The following PAK1 variants were observed in gnomAD, a reference collection of about 807,000 sequenced individuals.
PAK1 encodes the protein p21 (RAC1) activated kinase 1.
Under a neutral mutation model 67.4 loss-of-function variants are expected in PAK1, and 29 were observed. The ratio of observed to expected loss-of-function variants is 0.43; its 90% CI spans 0.32 to 0.59. The LOEUF (loss-of-function observed/expected upper bound fraction) is 0.59, where lower values mean the gene tolerates loss of function less well. Among genes scored for constraint, PAK1 ranks in the 20% least tolerant of loss-of-function variants. PAK1 has a pLI of 0.07. For missense variants in PAK1, 337 were observed against 670.7 expected, an observed-to-expected ratio of 0.50 and a Z score of 5.50; for synonymous variants, 223 against 237.4, an observed-to-expected ratio of 0.94 and a Z score of 0.56.
intron 1 of PAK1, among the ~76,000 whole-genome samples, chr11:77,425,222 C>G (rs906357213): frequency 6.6e-6 from 1 of 151,692 alleles, no homozygotes; most frequent in African/African-American, 2.4e-5. Flanking sequence ...GCATACACAT[C>G]CCATTTTAAG....
the PAK1 span, among the ~76,000 whole-genome samples, chr11:77,523,871 G>A: frequency 0.033 from 4,988 of 152,256 alleles, 252 homozygotes; most frequent in African/African-American, 0.11. Flanking sequence ...TCAGTGTCAC[G>A]TTTGGACCAG....
the PAK1 span, among the ~76,000 whole-genome samples, chr11:77,490,810 T>C: frequency 6.6e-6 from 1 of 152,238 alleles, no homozygotes; most frequent in African/African-American, 2.4e-5. Flanking sequence ...CTTGGGATCC[T>C]GTTGATCTGT....
intron 14 of PAK1, among the ~76,000 whole-genome samples, chr11:77,331,875 A>G (rs771900794): frequency 5.9e-5 from 9 of 152,184 alleles, no homozygotes; most frequent in African/African-American, 2.2e-4. Context: ...TTCCTTTGCT[A>G]AAAATGTATC....
At chr11:77,364,416 G>A (rs573784725) in intron 5 of PAK1, among the ~76,000 whole-genome samples, 1 of 152,190 alleles carries the variant, frequency 6.6e-6, no homozygotes, top group South Asian at 2.1e-4. Context: ...AAGCCAGGCT[G>A]CAACAAAACA....
At chr11:77,376,308 A>G (rs567325148) in intron 4 of PAK1, among the ~76,000 whole-genome samples, 77 of 152,354 alleles carry the variant, frequency 5.1e-4, no homozygotes, top group Admixed American at 1.3e-3. Context: ...CATTTTACAG[A>G]TGAGCAAAAT....
intron 1 of PAK1, among the ~76,000 whole-genome samples, chr11:77,415,408 G>A (rs531728263): frequency 3.9e-5 from 6 of 152,266 alleles, no homozygotes; most frequent in African/African-American, 1.4e-4. Context: ...TCATTGTTAT[G>A]CGAACATCAC....
chr11:77,338,813 A>G (rs939324537), intron 11 of PAK1, among the ~76,000 whole-genome samples: 1 of 152,228 alleles, frequency 6.6e-6, no homozygotes, highest in Admixed American at 6.5e-5. Flanking sequence ...AAGTAAAAGA[A>G]GCCAATTACA....
the PAK1 span, among the ~76,000 whole-genome samples, chr11:77,512,912 G>A: frequency 1.3e-5 from 2 of 152,094 alleles, no homozygotes; most frequent in Non-Finnish European, 2.9e-5. Flanking sequence ...TGGGCAACAT[G>A]GCGAAACCCT....
At chr11:77,402,210 A>C (rs1952791755) in intron 1 of PAK1, among the ~76,000 whole-genome samples, 1 of 152,190 alleles carries the variant, frequency 6.6e-6, no homozygotes, top group South Asian at 2.1e-4. Flanking sequence ...AGAATGAACA[A>C]GTGACTGTAT....
chr11:77,341,469 G>C (rs1852001857), intron 10 of PAK1, among the ~76,000 whole-genome samples: 1 of 152,182 alleles, frequency 6.6e-6, no homozygotes, highest in Non-Finnish European at 1.5e-5. Context: ...AAAGCCTTCT[G>C]ATAAGCCAAG....
chr11:77,395,006 C>T (rs1278883489), intron 1 of PAK1, among the ~76,000 whole-genome samples: 1 of 152,204 alleles, frequency 6.6e-6, no homozygotes, highest in Non-Finnish European at 1.5e-5. Flanking sequence ...TCTATCCACA[C>T]CCAACTTCTC....
chr11:77,522,652 A>G, the PAK1 span, among the ~76,000 whole-genome samples: 5 of 152,250 alleles, frequency 3.3e-5, no homozygotes, highest in Admixed American at 3.3e-4. Context: ...CACTGTGGAA[A>G]ACAATTTGGA....
At position 77,473,769 on chromosome 11, in the gene PAK1, G is replaced by T. The variant is rs536377553; in HGVS notation, c.-239C>A. On this transcript the variant is annotated 5_prime_UTR_variant, in exon 1 of 15. Coordinates refer to ENST00000356341, the MANE Select transcript of PAK1 (RefSeq NM_002576.5). ...CGGGAGGGAGCGAGGCGACGCGGGCGGGGGGGGAAGGGGGGACTGAGGGGC... is the reference window on the plus strand; with the variant it reads ...CGGGAGGGAGCGAGGCGACGCGGGCTGGGGGGGAAGGGGGGACTGAGGGGC... The T allele has an allele frequency of 2.0e-5, 3 of 151,020 alleles. No homozygotes were observed. The highest frequency in any genetic ancestry group is 4.4e-5 in the Non-Finnish European group (3 of 67,670). The allele number at this position is 151,020 out of a possible 1,614,324, so 9.4% of individuals were successfully genotyped here. A position where few individuals can be genotyped will look rare whatever the true frequency, so the allele number is the denominator to read the frequency against.
At chr11:77,338,909 T>C (rs767535719) in intron 11 of PAK1, among the ~76,000 whole-genome samples, 5 of 152,140 alleles carry the variant, frequency 3.3e-5, no homozygotes, top group Admixed American at 6.5e-5. Context: ...AGTGGTTACA[T>C]AGGGCTGGGA....
At chr11:77,433,888 A>T (rs1955983006) in intron 1 of PAK1, among the ~76,000 whole-genome samples, 1 of 152,238 alleles carries the variant, frequency 6.6e-6, no homozygotes, top group Non-Finnish European at 1.5e-5. Flanking sequence ...ACATGAAAAG[A>T]TACTCAAAAT....
At chr11:77,374,473 A>G (rs1948844686) in intron 4 of PAK1, 108 bp from the exon 5 acceptor site, 1 of 729,002 alleles carries the variant, frequency 1.4e-6, no homozygotes, top group South Asian at 1.6e-5. Flanking sequence ...TTCAGAGAAT[A>G]GTAATAGTAT....
chr11:77,485,755 G>GT, the PAK1 span, among the ~76,000 whole-genome samples: 1 of 152,182 alleles, frequency 6.6e-6, no homozygotes, highest in Non-Finnish European at 1.5e-5. Flanking sequence ...GATTACAGGC[G>GT]TGAGCCACCA....
intron 2 of PAK1, among the ~76,000 whole-genome samples, chr11:77,380,621 G>T (rs1223705782): frequency 6.6e-6 from 1 of 152,186 alleles, no homozygotes; most frequent in Non-Finnish European, 1.5e-5. Context: ...AGCCCTCCTT[G>T]ATCTCTAGGC....
At chr11:77,435,374 T>C (rs573428195) in intron 1 of PAK1, among the ~76,000 whole-genome samples, 1 of 152,324 alleles carries the variant, frequency 6.6e-6, no homozygotes, top group South Asian at 2.1e-4. Context: ...CCTTAGCTTC[T>C]CTGTAAAGTT....
Sources: allele counts gnomAD v4.1 joint callset (sites outside exome capture counted in the v4.1 genomes callset), GRCh38; gene constraint gnomAD v4.1.1; transcripts MANE v1.5; gene names NCBI Gene and HGNC (gene_info 2026-07-23, HGNC 2026-07-21).